SLC44A3: variants seen among roughly 807,000 people sequenced by gnomAD.
The protein encoded by SLC44A3 is choline transporter-like protein 3.
SLC44A3 carries 74 observed loss-of-function variants against 75.4 expected under a neutral mutation model. The observed-to-expected ratio is 0.98, with a 90% CI of 0.81 to 1.19. SLC44A3 has a LOEUF of 1.19. SLC44A3 is among the 50% of genes most tolerant of loss of function. The pLI is 0.00. For missense variants in SLC44A3, 700 were observed against 778.6 expected, an observed-to-expected ratio of 0.90 and a Z score of 1.20; for synonymous variants, 310 against 296.9, an observed-to-expected ratio of 1.04 and a Z score of -0.45.
At chr1:94,866,715 G>A (rs1177655626) in intron 11 of SLC44A3, among the ~76,000 whole-genome samples, 1 of 152,170 alleles carries the variant, frequency 6.6e-6, no homozygotes, top group African/African-American at 2.4e-5. Context: ...TGTTCACTCT[G>A]GAGAGTGGGT....
At chr1:94,880,374 A>G (rs937835129) in intron 12 of SLC44A3, among the ~76,000 whole-genome samples, 1 of 152,210 alleles carries the variant, frequency 6.6e-6, no homozygotes, top group African/African-American at 2.4e-5. Context: ...AAAGAAGGAA[A>G]TCCTGTCATA....
intron 3 of SLC44A3, among the ~76,000 whole-genome samples, chr1:94,826,833 G>A (rs1050517496): frequency 1.3e-5 from 2 of 152,150 alleles, no homozygotes; most frequent in African/African-American, 2.4e-5. Context: ...CTCCCATAAA[G>A]GGCAGCCTAC....
At chr1:94,838,174 A>G (rs1663077468) in intron 6 of SLC44A3, among the ~76,000 whole-genome samples, 1 of 152,210 alleles carries the variant, frequency 6.6e-6, no homozygotes. Context: ...ATGGGACATG[A>G]AAAATACAAC....
chr1:94,887,101 A>G (rs1056296644), intron 12 of SLC44A3, among the ~76,000 whole-genome samples: 3 of 152,018 alleles, frequency 2.0e-5, no homozygotes, highest in African/African-American at 4.8e-5. Context: ...ATTATGGCCA[A>G]TCATTTCCAC....
chr1:94,872,123 CAG>C (rs1473720553), intron 12 of SLC44A3, among the ~76,000 whole-genome samples: 1 of 151,942 alleles, frequency 6.6e-6, no homozygotes, highest in Non-Finnish European at 1.5e-5. Context: ...TTTTTTGAGA[CAG>C]AGTTTCACTC....
chr1:94,894,073 C>T (rs942882786), intron 14 of SLC44A3, among the ~76,000 whole-genome samples: 2 of 151,572 alleles, frequency 1.3e-5, no homozygotes, highest in Non-Finnish European at 1.5e-5. Flanking sequence ...CCAGCCTGGG[C>T]GACAGAGGGT....
rs1169228391 is a variant in SLC44A3 at position 94,828,349 on chromosome 1, A to T, written c.416-144A>T. 9.0e-6 allele frequency: 5 copies of T among 554,568 alleles called. No individual in the cohort carries two copies. In the East Asian group the frequency reaches 1.5e-4, roughly 17 times the overall value. The allele number at this position is 554,568 out of a possible 1,614,324, so 34.4% of individuals were successfully genotyped here. A position where few individuals can be genotyped will look rare whatever the true frequency, so the allele number is the denominator to read the frequency against. On this transcript the variant is annotated intron_variant, in intron 4 of 14. Coordinates refer to ENST00000271227, the MANE Select transcript of SLC44A3 (RefSeq NM_001114106.3). ...AAGAGAGGCCCTCACTAGACCTCAG[A>T]TTGTATGCCTATTACTTTTGTGTTT... is the stretch of plus-strand genomic sequence containing the variant.
intron 5 of SLC44A3, chr1:94,836,653 T>A (rs1351831240): frequency 6.6e-6 from 1 of 151,660 alleles, no homozygotes; most frequent in African/African-American, 2.4e-5. Context: ...CAGTGGCTCA[T>A]GCCTGTAATC....
intron 12 of SLC44A3, among the ~76,000 whole-genome samples, chr1:94,881,531 C>T (rs894643354): frequency 1.2e-4 from 18 of 151,048 alleles, no homozygotes; most frequent in Non-Finnish European, 1.9e-4. Context: ...GGTGAAACCC[C>T]GTCTCTACTA....
At chr1:94,880,324 G>A (rs902530660) in intron 12 of SLC44A3, among the ~76,000 whole-genome samples, 7 of 152,160 alleles carry the variant, frequency 4.6e-5, no homozygotes, top group African/African-American at 1.4e-4. Flanking sequence ...TCATACAGTA[G>A]AATATTATGT....
At chr1:94,824,092 GA>G (rs75458646) in intron 2 of SLC44A3, among the ~76,000 whole-genome samples, 317 of 129,828 alleles carry the variant, frequency 2.4e-3, no homozygotes, top group East Asian at 0.019. Context: ...AAAAGTAGTA[GA>G]AAAAAAAAAA....
chr1:94,860,063 A>G (rs1666391276), intron 10 of SLC44A3, among the ~76,000 whole-genome samples: 1 of 152,246 alleles, frequency 6.6e-6, no homozygotes, highest in African/African-American at 2.4e-5. Context: ...TGATTATTAA[A>G]CATGATGAAT....
At chr1:94,822,005 C>G (rs1182065008) in intron 2 of SLC44A3, among the ~76,000 whole-genome samples, 1 of 152,184 alleles carries the variant, frequency 6.6e-6, no homozygotes, top group Non-Finnish European at 1.5e-5. Flanking sequence ...GAACTCTCCC[C>G]TAGGAGCTGG....
intron 2 of SLC44A3, among the ~76,000 whole-genome samples, chr1:94,821,975 G>A (rs1170513542): frequency 6.6e-6 from 1 of 152,194 alleles, no homozygotes; most frequent in African/African-American, 2.4e-5. Context: ...ATAATCAGAT[G>A]TTTTTTGTTG....
chr1:94,862,644 TAG>T (rs958350113), intron 10 of SLC44A3, among the ~76,000 whole-genome samples: 7 of 152,154 alleles, frequency 4.6e-5, no homozygotes, highest in Non-Finnish European at 8.8e-5. Context: ...GGGCATATGC[TAG>T]AGTCGCCTTA....
intron 12 of SLC44A3, among the ~76,000 whole-genome samples, chr1:94,887,641 C>G (rs1669730709): frequency 6.6e-6 from 1 of 152,112 alleles, no homozygotes; most frequent in South Asian, 2.1e-4. Flanking sequence ...AAATACGAGG[C>G]AGTGATCTGC....
intron 6 of SLC44A3, among the ~76,000 whole-genome samples, chr1:94,839,733 A>G (rs911384067): frequency 3.3e-5 from 5 of 152,208 alleles, no homozygotes; most frequent in African/African-American, 4.8e-5. Flanking sequence ...TTTCAGAGAC[A>G]GGCTTACCAC....
chr1:94,849,389 C>G (rs887407825), intron 9 of SLC44A3, among the ~76,000 whole-genome samples: 1 of 152,158 alleles, frequency 6.6e-6, no homozygotes, highest in Non-Finnish European at 1.5e-5. Flanking sequence ...TCATAGAAAC[C>G]AAATCACCCG....
chr1:94,825,574 CA>C (rs1194656715), intron 3 of SLC44A3, among the ~76,000 whole-genome samples: 4 of 152,128 alleles, frequency 2.6e-5, no homozygotes, highest in African/African-American at 9.7e-5. Flanking sequence ...TGTGATCTGT[CA>C]CCTCAGCCTC....
Sources: allele counts gnomAD v4.1 joint callset (sites outside exome capture counted in the v4.1 genomes callset), GRCh38; gene constraint gnomAD v4.1.1; transcripts MANE v1.5; gene names NCBI Gene and HGNC (gene_info 2026-07-23, HGNC 2026-07-21).